Variants in BMS1 observed in about 807,000 individuals in gnomAD.
BMS1 encodes BMS1 ribosome biogenesis factor.
Under a neutral mutation model 138.7 loss-of-function variants are expected in BMS1, and 53 were observed. The ratio of observed to expected loss-of-function variants is 0.38; its 90% CI spans 0.31 to 0.48. The LOEUF is 0.48. Ranked by LOEUF, BMS1 falls within the 20% of genes least tolerant of loss-of-function variation. BMS1 has a pLI of 0.97. For synonymous variants in BMS1, 504 were observed against 539.9 expected, an observed-to-expected ratio of 0.93 and a Z score of 0.92; for missense variants, 1,360 against 1,565.5, an observed-to-expected ratio of 0.87 and a Z score of 2.22.
chr10:42,821,739 G>A (rs1007303822), intron 18 of BMS1, among the ~76,000 whole-genome samples: 2 of 151,914 alleles, frequency 1.3e-5, no homozygotes, highest in Non-Finnish European at 2.9e-5. Context: ...TTTTAGTAGA[G>A]ATGGGATTTT....
At chr10:42,820,845 A>C (rs1842485326) in intron 17 of BMS1, 89 bp from the exon 18 acceptor site, 3 of 1,255,328 alleles carry the variant, frequency 2.4e-6, no homozygotes, top group Non-Finnish European at 3.5e-6. Flanking sequence ...GTAAATCTAT[A>C]TCCAAATCTA....
chr10:42,806,250 G>C (rs896333818), intron 13 of BMS1, among the ~76,000 whole-genome samples: 5 of 152,176 alleles, frequency 3.3e-5, no homozygotes, highest in African/African-American at 1.2e-4. Context: ...GGTTCTGGGA[G>C]CCAAGCAGGA....
At position 42,834,488 on chromosome 10, in the gene BMS1, G is replaced by A. The variant is rs1842844017; in HGVS notation, c.*3392G>A. On this transcript the variant is annotated 3_prime_UTR_variant, in exon 23 of 23. Transcript: ENST00000374518. ...GTATTTCTTAAAGCCATTATTCAGA[G>A]TCTTCAGCAAGGACATTGTATTTTA... The A allele has an allele frequency of 6.6e-6, 1 of 151,844 alleles. No individual in the cohort carries two copies. The highest frequency in any genetic ancestry group is 6.6e-5 in the Admixed American group (1 of 15,216). 9.4% of individuals were successfully genotyped at this position (151,844 alleles called of 1,614,324 possible).
intron 13 of BMS1, among the ~76,000 whole-genome samples, chr10:42,815,726 G>C (rs1564426027): frequency 1.3e-5 from 2 of 152,158 alleles, no homozygotes; most frequent in Non-Finnish European, 2.9e-5. Flanking sequence ...TCTTTTAAGA[G>C]TGGGAACTAT....
rs1458385641 is a variant in BMS1, at chr10:42,834,216, G to A, written c.*3120G>A. The A allele has an allele frequency of 2.0e-5, 3 of 151,450 alleles. No individual in the cohort carries two copies. The highest frequency in any genetic ancestry group is 7.3e-5 in the African/African-American group (3 of 41,004). The allele number at this position is 151,450 out of a possible 1,614,324, so 9.4% of individuals were successfully genotyped here. Reference sequence around the variant, plus strand: ...ATCATAGATGTGTTCAGGTGTGTTTGGTTTCCTATTTGTGGATGTACTAGA... The same window carrying A: ...ATCATAGATGTGTTCAGGTGTGTTTAGTTTCCTATTTGTGGATGTACTAGA... On this transcript the variant is annotated 3_prime_UTR_variant, in exon 23 of 23. Coordinates refer to ENST00000374518, the MANE Select transcript of BMS1 (RefSeq NM_014753.4).
rs548370650 is a variant in BMS1 at position 42,823,606 on chromosome 10, C to T, written c.3281-3C>T. On this transcript the variant is annotated splice_region_variant and splice_polypyrimidine_tract_variant and intron_variant, in intron 20 of 22. Coordinates refer to ENST00000374518, the MANE Select transcript of BMS1 (RefSeq NM_014753.4). ...TGTTAAAGTAAATTACCTCTCTTTT[C>T]AGATATTGTCTTCATGCGAACTTGG... 151 of 1,526,840 alleles carry T rather than the reference C, an allele frequency of 9.9e-5. No individual in the cohort carries two copies. The East Asian group carries it at 3.4e-3, about 34-fold the overall frequency. The allele number at this position is 1,526,840 out of a possible 1,614,324, so 94.6% of individuals were successfully genotyped here.
In BMS1 at chr10:42,823,775, T is replaced by G. The variant is rs536396179; in HGVS notation, c.3447T>G (p.Ser1149=). 2 of 1,591,474 alleles carry G rather than the reference T, an allele frequency of 1.3e-6. No homozygotes were observed. Among genetic ancestry groups the G allele is most frequent in the East Asian group, 2.2e-5 (1 of 44,780 alleles). ...HGVRLKANKD[S]LYKPILRQKK... The stretch of plus-strand genomic sequence containing the variant: ...TCAGACTAAAGGCGAACAAGGACTC[T>G]CTGTATAAGGTACTGGTCGCGTGTG... The change falls in exon 21 of 23, where the codon TCT becomes TCG. Residue 1149 remains serine (S), a synonymous_variant. Transcript: ENST00000374518.
intron 13 of BMS1, among the ~76,000 whole-genome samples, chr10:42,811,520 CTT>C (rs879940551): frequency 1.6e-5 from 2 of 121,568 alleles, no homozygotes; most frequent in Non-Finnish European, 1.6e-5. Flanking sequence ...GTTGTATTTT[CTT>C]TTTCTTTTTT....
rs1184674394 is a variant in BMS1 at position 42,832,657 on chromosome 10, C to G, written c.*1561C>G. ...AAAGCCTAAAGTCTGTAGGCAGGTGCTCAGCTTTGTATCTCCATAAGAAGG... is the reference window on the plus strand; with the variant it reads ...AAAGCCTAAAGTCTGTAGGCAGGTGGTCAGCTTTGTATCTCCATAAGAAGG... On this transcript the variant is annotated 3_prime_UTR_variant, in exon 23 of 23. Transcript: ENST00000374518. 2 of 151,900 alleles carry G rather than the reference C, an allele frequency of 1.3e-5. No individual in the cohort carries two copies. Among genetic ancestry groups the G allele is most frequent in the Non-Finnish European group, 2.9e-5 (2 of 67,982 alleles). 9.4% of individuals were successfully genotyped at this position (151,900 alleles called of 1,614,324 possible).
intron 12 of BMS1, among the ~76,000 whole-genome samples, chr10:42,801,215 T>C (rs552945892): frequency 3.7e-4 from 57 of 152,348 alleles, no homozygotes; most frequent in African/African-American, 1.3e-3. Context: ...GGAGAGCTCA[T>C]ATAGATATTT....
intron 22 of BMS1, 38 bp from the exon 23 acceptor site, chr10:42,830,827 GA>G (rs992798422): frequency 6.4e-7 from 1 of 1,553,102 alleles, no homozygotes. Flanking sequence ...TGTGGTGTCT[GA>G]GAGCATTCTG....
chr10:42,819,435 A>G (rs539427389), intron 15 of BMS1, among the ~76,000 whole-genome samples: 2 of 152,334 alleles, frequency 1.3e-5, no homozygotes, highest in East Asian at 1.9e-4. Context: ...ATTTTAATGT[A>G]AATAGCCACT....
rs111736396 is a variant in BMS1, at chr10:42,786,417, A to G, written c.367+745A>G. On this transcript the variant is annotated intron_variant, in intron 3 of 22. Coordinates refer to ENST00000374518, the MANE Select transcript of BMS1 (RefSeq NM_014753.4). Reference sequence around the variant, plus strand: ...GCTTTTCTTTATCTTTGGAGCATCCATATTTTCTTTTCCCTTTTTTGAGAC... The same window carrying G: ...GCTTTTCTTTATCTTTGGAGCATCCGTATTTTCTTTTCCCTTTTTTGAGAC... Among the ~76,000 whole-genome samples the G allele has an allele frequency of 5.8e-3, 881 of 152,114 alleles. 12 individuals are homozygous for G. Among genetic ancestry groups the G allele is most frequent in the African/African-American group, 0.019 (809 of 41,492 alleles).
Position 42,785,668 on chromosome 10 carries a change from G to A in BMS1, c.363G>A (p.Val121=). The change falls in exon 3 of 23, where the codon GTG becomes GTA. Residue 121 remains valine, a synonymous_variant. Coordinates refer to ENST00000374518, the MANE Select transcript of BMS1 (RefSeq NM_014753.4). ...AGATCAGAGGCCCTGTGACGATTGT[G>A]TCAGGTAGGAGATGCCACCACAGAC... is the stretch of plus-strand genomic sequence containing the variant. ...LTEIRGPVTI[V]SGKKRRLTII... The A allele has an allele frequency of 1.9e-6, 3 of 1,613,422 alleles. No homozygotes were observed. Among genetic ancestry groups the A allele is most frequent in the Non-Finnish European group, 1.7e-6 (2 of 1,179,434 alleles).
intron 21 of BMS1, among the ~76,000 whole-genome samples, chr10:42,826,985 C>T (rs1478065352): frequency 5.9e-5 from 9 of 152,138 alleles, no homozygotes; most frequent in Non-Finnish European, 1.0e-4. Flanking sequence ...CACCAGCACT[C>T]ATGTTGAAAT....
chr10:42,788,919 T>C (rs1474535133), intron 4 of BMS1, among the ~76,000 whole-genome samples: 1 of 152,200 alleles, frequency 6.6e-6, no homozygotes, highest in East Asian at 1.9e-4. Context: ...TTTCATATAA[T>C]GTATTTTGGA....
chr10:42,785,084 A>G (rs113745892), intron 2 of BMS1, among the ~76,000 whole-genome samples: 3 of 152,360 alleles, frequency 2.0e-5, no homozygotes, highest in African/African-American at 7.2e-5. Context: ...TCATATAACC[A>G]GTAAGTAGGA....
At chr10:42,804,190 A>C (rs1035500541) in intron 13 of BMS1, among the ~76,000 whole-genome samples, 1 of 152,190 alleles carries the variant, frequency 6.6e-6, no homozygotes, top group East Asian at 1.9e-4. Flanking sequence ...GCTGCTATGA[A>C]TGTTTTTTAG....
rs1246706445 is a variant in BMS1 at position 42,831,898 on chromosome 10, A to C, written c.*802A>C. The C allele has an allele frequency of 6.6e-6, 1 of 152,140 alleles. No homozygotes were observed. The highest frequency in any genetic ancestry group is 6.5e-5 in the Admixed American group (1 of 15,270). The allele number at this position is 152,140 out of a possible 1,614,324, so 9.4% of individuals were successfully genotyped here. On this transcript the variant is annotated 3_prime_UTR_variant, in exon 23 of 23. Coordinates refer to ENST00000374518, the MANE Select transcript of BMS1 (RefSeq NM_014753.4). Reference sequence around the variant, plus strand: ...AAGTAATCATACTATTACATAGGCGATGTATGTATTTTATGATTGTATGTT... The same window carrying C: ...AAGTAATCATACTATTACATAGGCGCTGTATGTATTTTATGATTGTATGTT...
Sources: allele counts gnomAD v4.1 joint callset (sites outside exome capture counted in the v4.1 genomes callset), GRCh38; gene constraint gnomAD v4.1.1; transcripts MANE v1.5; gene names NCBI Gene and HGNC (gene_info 2026-07-23, HGNC 2026-07-21).